MYO3B: variants seen among roughly 807,000 people sequenced by gnomAD.
The protein encoded by MYO3B is myosin-IIIb.
Under a neutral mutation model 174.6 loss-of-function variants are expected in MYO3B, and 156 were observed. The ratio of observed to expected loss-of-function variants is 0.89; its 90% CI spans 0.78 to 1.02. MYO3B has a LOEUF of 1.02. Among genes scored for constraint, MYO3B ranks in the 50% least tolerant of loss-of-function variants. The pLI, the probability that MYO3B is intolerant of heterozygous loss-of-function variation, is 0.00. For synonymous variants in MYO3B, 563 were observed against 569.1 expected, an observed-to-expected ratio of 0.99 and a Z score of 0.15; for missense variants, 1,632 against 1,639.4, an observed-to-expected ratio of 1.00 and a Z score of 0.08.
At chr2:170,529,929 G>A (rs1321392067) in intron 30 of MYO3B, among the ~76,000 whole-genome samples, 1 of 152,170 alleles carries the variant, frequency 6.6e-6, no homozygotes, top group Non-Finnish European at 1.5e-5. Flanking sequence ...ACATAATGGT[G>A]TTTCAGTTCC....
intron 7 of MYO3B, among the ~76,000 whole-genome samples, chr2:170,314,337 T>C (rs372695658): frequency 1.1e-3 from 166 of 152,296 alleles, no homozygotes; most frequent in African/African-American, 3.7e-3. Flanking sequence ...CTAGATTCTG[T>C]AGGAAATGTC....
chr2:170,572,816 A>G (rs1692527902), intron 32 of MYO3B, among the ~76,000 whole-genome samples: 1 of 152,202 alleles, frequency 6.6e-6, no homozygotes, highest in Non-Finnish European at 1.5e-5. Flanking sequence ...TCAAATGCAC[A>G]ATGTAATATT....
intron 22 of MYO3B, among the ~76,000 whole-genome samples, chr2:170,438,959 A>G (rs1207305385): frequency 2.0e-5 from 3 of 151,806 alleles, no homozygotes; most frequent in Non-Finnish European, 2.9e-5. Flanking sequence ...TCATCTCATT[A>G]TAGTTTTGAT....
chr2:170,506,256 T>C (rs56407130), intron 28 of MYO3B, among the ~76,000 whole-genome samples: 1,673 of 152,342 alleles, frequency 0.011, 44 homozygotes, highest in African/African-American at 0.038. Context: ...CTGACCCTAC[T>C]TTGTAACAGA....
intron 22 of MYO3B, among the ~76,000 whole-genome samples, chr2:170,427,010 T>G (rs1164441240): frequency 6.7e-6 from 1 of 148,442 alleles, no homozygotes. Context: ...AGTGCGAGAC[T>G]CAGTCTCAAA....
chr2:170,576,940 A>T (rs1212010068), intron 32 of MYO3B, among the ~76,000 whole-genome samples: 1 of 152,158 alleles, frequency 6.6e-6, no homozygotes, highest in Non-Finnish European at 1.5e-5. Context: ...GTACTCAGAG[A>T]ATATCCTGGG....
At chr2:170,591,636 A>G (rs571893371) in intron 32 of MYO3B, among the ~76,000 whole-genome samples, 68 of 152,082 alleles carry the variant, frequency 4.5e-4, no homozygotes, top group Non-Finnish European at 6.9e-4. Context: ...CCCTGCAATC[A>G]TAGAACTTTA....
intron 7 of MYO3B, among the ~76,000 whole-genome samples, chr2:170,292,942 G>A (rs1160825723): frequency 6.6e-6 from 1 of 152,072 alleles, no homozygotes; most frequent in African/African-American, 2.4e-5. Context: ...CCAAGCTGGT[G>A]GGAAAGCTGA....
chr2:170,413,101 A>G (rs1029565126), intron 22 of MYO3B, among the ~76,000 whole-genome samples: 3 of 152,236 alleles, frequency 2.0e-5, no homozygotes, highest in Admixed American at 1.3e-4. Flanking sequence ...TACATTCTGA[A>G]CAGGCATGCA....
At chr2:170,383,904 C>A in intron 12 of MYO3B, 90 bp downstream of exon 12, 1 of 1,075,940 alleles carries the variant, frequency 9.3e-7, no homozygotes, top group Non-Finnish European at 1.4e-6. Context: ...TGAAACCTTT[C>A]CATTCCGGTT....
chr2:170,320,052 G>T (rs769488010), intron 7 of MYO3B, among the ~76,000 whole-genome samples: 2 of 152,196 alleles, frequency 1.3e-5, no homozygotes, highest in Non-Finnish European at 2.9e-5. Flanking sequence ...AATAGAAATG[G>T]TAACTGAAGT....
At chr2:170,485,416 CACACAG>C (rs1221057660) in intron 25 of MYO3B, among the ~76,000 whole-genome samples, 24 of 129,224 alleles carry the variant, frequency 1.9e-4, no homozygotes, top group Non-Finnish European at 2.8e-4. Context: ...CACACACACA[CACACAG>C]AGAGAGAGAG....
intron 3 of MYO3B, among the ~76,000 whole-genome samples, chr2:170,214,034 G>C (rs2092801563): frequency 1.3e-5 from 2 of 152,062 alleles, no homozygotes; most frequent in African/African-American, 4.8e-5. Context: ...CCAATAAGTT[G>C]CCATTATTAT....
chr2:170,353,265 G>A (rs2094091024), intron 8 of MYO3B, among the ~76,000 whole-genome samples: 1 of 152,162 alleles, frequency 6.6e-6, no homozygotes, highest in African/African-American at 2.4e-5. Context: ...AAGACATGGA[G>A]GAATCTTAAA....
intron 7 of MYO3B, among the ~76,000 whole-genome samples, chr2:170,323,979 T>C (rs189420990): frequency 6.6e-6 from 1 of 152,102 alleles, no homozygotes; most frequent in African/African-American, 2.4e-5. Flanking sequence ...TGGTGAGAAA[T>C]TGGGGCCCAG....
At chr2:170,629,420 T>G (rs996965041) in intron 32 of MYO3B, among the ~76,000 whole-genome samples, 1 of 152,196 alleles carries the variant, frequency 6.6e-6, no homozygotes, top group Non-Finnish European at 1.5e-5. Flanking sequence ...AGAAGCTTCA[T>G]GAGGGTGATT....
chr2:170,358,790 G>A (rs960270269), intron 8 of MYO3B, among the ~76,000 whole-genome samples: 4 of 152,124 alleles, frequency 2.6e-5, no homozygotes, highest in African/African-American at 7.2e-5. Flanking sequence ...GGCCTTCTCC[G>A]TAGTAGGCAA....
chr2:170,350,540 A>C (rs899878307), intron 8 of MYO3B: 1 of 152,202 alleles, frequency 6.6e-6, no homozygotes, highest in African/African-American at 2.4e-5. Context: ...GGATTATAAG[A>C]AACATCACCA....
At chr2:170,331,453 G>A (rs1045872755) in intron 7 of MYO3B, among the ~76,000 whole-genome samples, 3 of 152,180 alleles carry the variant, frequency 2.0e-5, no homozygotes, top group Non-Finnish European at 4.4e-5. Context: ...ACTAGGATGT[G>A]AAAGAGGGGA....
Sources: allele counts gnomAD v4.1 joint callset (sites outside exome capture counted in the v4.1 genomes callset), GRCh38; gene constraint gnomAD v4.1.1; transcripts MANE v1.5; gene names NCBI Gene and HGNC (gene_info 2026-07-23, HGNC 2026-07-21).